The following KRABD2 variants were observed in gnomAD, a reference collection of about 807,000 sequenced individuals.
The protein encoded by KRABD2 is KRAB domain containing 2.
chr17:8,374,015 G>A, the KRABD2 span, among the ~76,000 whole-genome samples: 11 of 151,784 alleles, frequency 7.2e-5, no homozygotes, highest in East Asian at 2.2e-3. Flanking sequence ...GCCCCTGCCT[G>A]GCCAGCCGCC....
chr17:8,363,534 G>T, the KRABD2 span, among the ~76,000 whole-genome samples: 2 of 151,788 alleles, frequency 1.3e-5, no homozygotes, highest in African/African-American at 4.8e-5. Flanking sequence ...TTTTAGTAGA[G>T]ATGCGGTTTC....
chr17:8,376,538 C>T, the KRABD2 span: 3 of 988,912 alleles, frequency 3.0e-6, no homozygotes, highest in Non-Finnish European at 3.6e-6. Flanking sequence ...CTGCTCCCAC[C>T]GCCTGGATCC....
chr17:8,376,065 C>T, the KRABD2 span: 2 of 1,231,770 alleles, frequency 1.6e-6, no homozygotes, highest in South Asian at 8.2e-5. Context: ...TGGAGCACTT[C>T]GCTTTGCATC....
the KRABD2 span, among the ~76,000 whole-genome samples, chr17:8,374,437 A>G: frequency 1.3e-5 from 2 of 152,018 alleles, no homozygotes; most frequent in South Asian, 4.2e-4. Flanking sequence ...CATGCTCGCT[A>G]AGAGTCATCA....
chr17:8,373,864 A>T, the KRABD2 span: 13 of 142,912 alleles, frequency 9.1e-5, no homozygotes, highest in East Asian at 2.7e-3. Flanking sequence ...CCCGACCGCC[A>T]CCCCGTCTGG....
the KRABD2 span, among the ~76,000 whole-genome samples, chr17:8,363,832 T>TAC: frequency 0.023 from 821 of 35,534 alleles, 8 homozygotes; most frequent in East Asian, 0.044. Context: ...ATATCATACA[T>TAC]ATATATATAT....
the KRABD2 span, among the ~76,000 whole-genome samples, chr17:8,374,644 A>G: frequency 1.3e-5 from 2 of 150,670 alleles, no homozygotes; most frequent in African/African-American, 4.9e-5. Context: ...AAAAAAAAAA[A>G]AAAAAAAAAT....
the KRABD2 span, chr17:8,369,320 A>G: frequency 1.1e-3 from 1,779 of 1,614,244 alleles, 11 homozygotes; most frequent in Middle Eastern, 9.1e-3. Context: ...TTTGTAAAGT[A>G]GCCACAGTTT....
At chr17:8,371,167 CA>C in the KRABD2 span, 32,302 of 515,166 alleles carry the variant, frequency 0.063, no homozygotes, top group South Asian at 0.091. Flanking sequence ...GAGACTGTTT[CA>C]AAAAAAAAAA....
At chr17:8,365,748 C>A in the KRABD2 span, 1 of 152,080 alleles carries the variant, frequency 6.6e-6, no homozygotes, top group African/African-American at 2.4e-5. Flanking sequence ...GTGTTACTGC[C>A]CCTTACAGAA....
the KRABD2 span, among the ~76,000 whole-genome samples, chr17:8,364,404 G>A: frequency 3.0e-4 from 46 of 152,258 alleles, no homozygotes; most frequent in African/African-American, 1.1e-3. The surrounding 1 kb of genome is among the most constrained non-coding windows in gnomAD (Gnocchi z 4.4). Flanking sequence ...CCAGGCTGCA[G>A]TGTGGTGATA....
chr17:8,371,456 T>G, the KRABD2 span: 4 of 1,614,136 alleles, frequency 2.5e-6, no homozygotes, highest in East Asian at 8.9e-5. Context: ...AGGGACCATA[T>G]AGTCTTGGGG....
At chr17:8,365,436 AAGG>A in the KRABD2 span, 3 of 152,366 alleles carry the variant, frequency 2.0e-5, no homozygotes, top group Admixed American at 6.5e-5. Flanking sequence ...AATGGGTTGG[AAGG>A]AGGATGGAAA....
the KRABD2 span, among the ~76,000 whole-genome samples, chr17:8,363,233 T>C: frequency 6.6e-6 from 1 of 152,164 alleles, no homozygotes; most frequent in Non-Finnish European, 1.5e-5. Flanking sequence ...AAGCCCATAG[T>C]AGTCAGAAGG....
chr17:8,372,381 A>AT, the KRABD2 span, among the ~76,000 whole-genome samples: 3 of 152,008 alleles, frequency 2.0e-5, no homozygotes, highest in Non-Finnish European at 4.4e-5. This position sits in a 1 kb window ranked among gnomAD's most constrained non-coding sequence, Gnocchi z 4.1. Context: ...CTTTTTTTGT[A>AT]TTTTTTTATA....
the KRABD2 span, among the ~76,000 whole-genome samples, chr17:8,374,628 TAAAAAAAA>T: frequency 1.4e-5 from 1 of 71,434 alleles, no homozygotes; most frequent in African/African-American, 5.4e-5. Flanking sequence ...CAATAAATAC[TAAAAAAAA>T]AAAAAAAAAA....
the KRABD2 span, chr17:8,359,839 C>G: frequency 2.2e-6 from 1 of 455,824 alleles, no homozygotes; most frequent in Non-Finnish European, 4.4e-6. Flanking sequence ...ACATTTAAGG[C>G]AGCCATTTCC....
At chr17:8,373,089 T>A in the KRABD2 span, among the ~76,000 whole-genome samples, 5 of 152,132 alleles carry the variant, frequency 3.3e-5, no homozygotes, top group African/African-American at 4.8e-5. Flanking sequence ...TTTAAAAAAA[T>A]TTGTCTCCCT....
chr17:8,361,596 T>G, the KRABD2 span, among the ~76,000 whole-genome samples: 1 of 152,278 alleles, frequency 6.6e-6, no homozygotes, highest in African/African-American at 2.4e-5. Flanking sequence ...CAGATTTCTT[T>G]TTTTCCCCTG....
Sources: allele counts gnomAD v4.1 joint callset (sites outside exome capture counted in the v4.1 genomes callset), GRCh38; gene constraint gnomAD v4.1.1; non-coding constraint Gnocchi (gnomAD v3.1); transcripts MANE v1.5; gene names NCBI Gene and HGNC (gene_info 2026-07-23, HGNC 2026-07-21).